Variants in RANGAP1 observed in about 807,000 individuals in gnomAD.
RANGAP1 encodes the protein Ran GTPase activating protein 1.
A neutral mutation model predicts 63.5 loss-of-function variants in RANGAP1; 38 were observed. That is an observed-to-expected ratio of 0.60 (90% confidence interval 0.46 to 0.78). The LOEUF (loss-of-function observed/expected upper bound fraction) is 0.78. Ranked by LOEUF, RANGAP1 falls within the 30% of genes least tolerant of loss-of-function variation. The pLI, the probability that RANGAP1 is intolerant of heterozygous loss-of-function variation, is 0.00. For missense variants in RANGAP1, 630 were observed against 740.3 expected, an observed-to-expected ratio of 0.85 and a Z score of 1.73; for synonymous variants, 329 against 310.5, an observed-to-expected ratio of 1.06 and a Z score of -0.63.
At chr22:41,279,191 C>T (rs186037332) in intron 2 of RANGAP1, among the ~76,000 whole-genome samples, 2 of 151,502 alleles carry the variant, frequency 1.3e-5, no homozygotes, top group African/African-American at 2.4e-5. Flanking sequence ...AGGCTGAAGG[C>T]CAGACACAGT....
At chr22:41,300,977 T>C in the RANGAP1 span, among the ~76,000 whole-genome samples, 8 of 152,198 alleles carry the variant, frequency 5.3e-5, no homozygotes, top group Non-Finnish European at 7.3e-5. Flanking sequence ...TGCTGATTTC[T>C]GAATTGAGCC....
At chr22:41,290,841 C>T (rs1372731545), upstream of RANGAP1, among the ~76,000 whole-genome samples, 1 of 152,178 alleles carries the variant, frequency 6.6e-6, no homozygotes, top group Non-Finnish European at 1.5e-5. Context: ...TTAGTCAGAT[C>T]AAAAACAAAT....
intron 1 of RANGAP1, chr22:41,285,672 T>G (rs2035717372): frequency 1.0e-6 from 1 of 985,264 alleles, no homozygotes; most frequent in African/African-American, 1.7e-5. Flanking sequence ...GAGCCCCATC[T>G]GGAATCCCCG....
At chr22:41,268,314 G>A (rs899699789) in intron 3 of RANGAP1, among the ~76,000 whole-genome samples, 158 bp from the exon 4 acceptor site, 5 of 152,024 alleles carry the variant, frequency 3.3e-5, no homozygotes, top group African/African-American at 1.2e-4. Flanking sequence ...GGAGTGCAGT[G>A]GCGCGATCTC....
the RANGAP1 span, among the ~76,000 whole-genome samples, chr22:41,294,746 A>G: frequency 5.2e-4 from 54 of 104,698 alleles, no homozygotes; most frequent in South Asian, 1.9e-3. Context: ...CGGCCGCCCC[A>G]TCTGAGAAGT....
the RANGAP1 span, among the ~76,000 whole-genome samples, chr22:41,300,377 A>G: frequency 2.1e-5 from 3 of 142,654 alleles, no homozygotes; most frequent in African/African-American, 5.2e-5. Flanking sequence ...GGTAAATGTG[A>G]TAAGTTGTCA....
chr22:41,254,285 T>C lies in RANGAP1; in HGVS notation c.1260+23A>G, dbSNP rs771041095. 3 of 1,613,970 alleles carry C rather than the reference T, an allele frequency of 1.9e-6. No homozygotes were observed. In the Admixed American group the frequency reaches 5.0e-5, roughly 27 times the overall value. On this transcript the variant is annotated intron_variant, in intron 11 of 15. Transcript: ENST00000356244. ...ACGTTCTCAGGACCAGGGCTCTGATTGTGGCAGATGATAGAAACTCACCCC... is the reference window on the plus strand; with the variant it reads ...ACGTTCTCAGGACCAGGGCTCTGATCGTGGCAGATGATAGAAACTCACCCC...
intron 1 of RANGAP1, among the ~76,000 whole-genome samples, chr22:41,283,277 G>A (rs1017296257): frequency 1.3e-5 from 2 of 151,998 alleles, no homozygotes; most frequent in South Asian, 2.1e-4. Flanking sequence ...TTGGGAGACC[G>A]AGGCAGGTGG....
intron 4 of RANGAP1, among the ~76,000 whole-genome samples, chr22:41,267,159 G>A (rs1429113150): frequency 6.6e-6 from 1 of 152,112 alleles, no homozygotes; most frequent in Non-Finnish European, 1.5e-5. Context: ...GATTATAGGC[G>A]TGAGCCACCA....
intron 3 of RANGAP1, among the ~76,000 whole-genome samples, chr22:41,273,092 G>A (rs1428203764): frequency 1.3e-5 from 2 of 152,216 alleles, no homozygotes; most frequent in East Asian, 1.9e-4. Flanking sequence ...CATCGTGCCC[G>A]ACTGATCGTG....
intron 15 of RANGAP1, 103 bp from the exon 16 acceptor site, chr22:41,246,775 A>G (rs2033064257): frequency 9.1e-7 from 1 of 1,098,720 alleles, no homozygotes; most frequent in South Asian, 1.4e-5. Context: ...AATTTGCACA[A>G]CGACTCAGCA....
chr22:41,299,440 G>C, the RANGAP1 span, among the ~76,000 whole-genome samples: 1 of 151,766 alleles, frequency 6.6e-6, no homozygotes, highest in Non-Finnish European at 1.5e-5. Context: ...CCTAATTTTT[G>C]TATTTTTTTG....
intron 3 of RANGAP1, among the ~76,000 whole-genome samples, chr22:41,271,872 C>G (rs1281414133): frequency 1.3e-5 from 2 of 152,176 alleles, no homozygotes; most frequent in South Asian, 2.1e-4. Context: ...ACTGGGCCAT[C>G]AAGGGCAGAT....
At chr22:41,247,142 G>A (rs917292185) in intron 15 of RANGAP1, among the ~76,000 whole-genome samples, 8 of 151,434 alleles carry the variant, frequency 5.3e-5, no homozygotes, top group African/African-American at 9.7e-5. Context: ...TGCAAGCTCC[G>A]CCTCCCGAGT....
At chr22:41,249,966 A>C in intron 13 of RANGAP1, 149 bp from the exon 14 acceptor site, 1 of 683,028 alleles carries the variant, frequency 1.5e-6, no homozygotes, top group East Asian at 2.7e-5. Context: ...CGGCAGAGAC[A>C]CAGGAACCAG....
the RANGAP1 span, chr22:41,301,531 G>GTGCCTCCAGCGGGTGC: frequency 3.3e-5 from 5 of 152,170 alleles, no homozygotes; most frequent in Non-Finnish European, 7.3e-5. Context: ...CAGGGAGACA[G>GTGCCTCCAGCGGGTGC]TGCCTCCAGC....
In RANGAP1 at chr22:41,256,809, G is replaced by A. The variant is rs370522360; in HGVS notation, c.790C>T (p.Arg264Trp). Residue 264 changes from arginine to tryptophan, a missense_variant, in exon 8 of 16, where the codon CGG (arginine) becomes TGG (tryptophan). Arg to Trp is a moderately radical substitution (Grantham distance 101). Around this residue, in one of 3 missense-constraint regions of RANGAP1, gnomAD observed 428 missense variants for 465.5 expected, o/e 0.92. Transcript: ENST00000356244. ...VAMAETLKTLRQVEVINFGDC... is the reference protein window; with the variant it reads ...VAMAETLKTLWQVEVINFGDC... The stretch of plus-strand genomic sequence containing the variant: ...CCAAAATTAATCACCTCCACCTGCC[G>A]CAAGGTCTTCAAGGTCTGTGAGGGG... The A allele has an allele frequency of 2.5e-5, 41 of 1,613,882 alleles. No homozygotes were observed. In the East Asian group the frequency reaches 4.0e-4, roughly 16 times the overall value.
intron 6 of RANGAP1, among the ~76,000 whole-genome samples, chr22:41,258,421 G>T (rs1018578125): frequency 2.6e-5 from 4 of 152,196 alleles, no homozygotes; most frequent in Non-Finnish European, 4.4e-5. Flanking sequence ...TCAGCACAGT[G>T]GGGACCCTGG....
intron 6 of RANGAP1, among the ~76,000 whole-genome samples, chr22:41,258,693 C>T (rs1217211841): frequency 6.6e-6 from 1 of 152,014 alleles, no homozygotes; most frequent in Non-Finnish European, 1.5e-5. Context: ...CTCGTTCCGT[C>T]GCCCAGGCTG....
Sources: gnomAD v4.1 joint callset for allele counts (sites outside exome capture counted in the v4.1 genomes callset) on GRCh38, gnomAD v4.1.1 for gene constraint, gnomAD v4.1.1 regional missense constraint, MANE v1.5 for transcripts, NCBI Gene and HGNC (gene_info 2026-07-23, HGNC 2026-07-21) for gene names.